Variants in JAZF1 observed in about 807,000 individuals in gnomAD.
JAZF1 encodes the protein juxtaposed with another zinc finger protein 1.
JAZF1 carries 8 observed loss-of-function variants against 26.4 expected under a neutral mutation model. The ratio of observed to expected loss-of-function variants is 0.30; its 90% confidence interval spans 0.18 to 0.55. The LOEUF (loss-of-function observed/expected upper bound fraction) is 0.55, where lower values mean the gene tolerates loss of function less well. Ranked by LOEUF, JAZF1 falls within the 20% of genes least tolerant of loss-of-function variation. JAZF1 has a pLI of 0.94. For missense variants in JAZF1, 199 were observed against 322.0 expected (o/e 0.62, Z 2.92); for synonymous variants, 126 against 122.3 (o/e 1.03, Z -0.20).
chr7:28,090,250 C>T (rs964224739), intron 1 of JAZF1, among the ~76,000 whole-genome samples: 5 of 152,182 alleles, frequency 3.3e-5, no homozygotes, highest in African/African-American at 9.7e-5. Context: ...GCCTAACATA[C>T]CTTATGAACT....
chr7:27,983,777 G>A, intron 2 of JAZF1, among the ~76,000 whole-genome samples: 1 of 152,368 alleles, frequency 6.6e-6, no homozygotes, highest in South Asian at 2.1e-4. Context: ...CAAGCCAGAA[G>A]AGAGTGGGGG....
chr7:27,987,024 G>A (rs1260154617), intron 2 of JAZF1, among the ~76,000 whole-genome samples: 1 of 152,098 alleles, frequency 6.6e-6, no homozygotes, highest in Non-Finnish European at 1.5e-5. Flanking sequence ...CCTCCCAGCC[G>A]CCTGCCTTGG....
intron 1 of JAZF1, among the ~76,000 whole-genome samples, chr7:28,129,507 A>G (rs908873010): frequency 5.3e-5 from 8 of 152,136 alleles, no homozygotes. Flanking sequence ...ACTTATCTAC[A>G]TGGTAACTTT....
intron 1 of JAZF1, chr7:28,071,565 T>C (rs1344837883): frequency 4.3e-6 from 2 of 469,390 alleles, no homozygotes; most frequent in Non-Finnish European, 8.8e-6. Flanking sequence ...CCCATAAAAG[T>C]ATTTTTAACC....
At chr7:28,034,982 G>C (rs1783260177) in intron 1 of JAZF1, among the ~76,000 whole-genome samples, 1 of 152,010 alleles carries the variant, frequency 6.6e-6, no homozygotes, top group Non-Finnish European at 1.5e-5. Flanking sequence ...AGACATGAAG[G>C]CTGAGCCGTT....
chr7:27,862,252 G>A (rs940977354), intron 3 of JAZF1, among the ~76,000 whole-genome samples: 2 of 152,146 alleles, frequency 1.3e-5, no homozygotes, highest in Non-Finnish European at 2.9e-5. Context: ...TACACATGCA[G>A]GTTTGTATAT....
intron 3 of JAZF1, among the ~76,000 whole-genome samples, chr7:27,853,034 G>A (rs890288369): frequency 6.6e-6 from 1 of 152,176 alleles, no homozygotes; most frequent in Admixed American, 6.5e-5. Context: ...AACCACAGGA[G>A]TGCCCTGTCC....
intron 2 of JAZF1, among the ~76,000 whole-genome samples, chr7:27,902,775 G>C (rs1655026109): frequency 6.6e-6 from 1 of 152,160 alleles, no homozygotes; most frequent in Non-Finnish European, 1.5e-5. Context: ...CCAGCACTTT[G>C]GGAGGCCGAG....
chr7:27,840,647 A>C lies in JAZF1; in HGVS notation c.555+51T>G, dbSNP rs1184576809. The C allele has an allele frequency of 1.3e-6, 2 of 1,580,952 alleles. No homozygotes were observed. Among genetic ancestry groups the C allele is most frequent in the Non-Finnish European group, 1.7e-6 (2 of 1,154,896 alleles). On this transcript the variant is annotated intron_variant, in intron 4 of 4. Coordinates refer to ENST00000283928, the MANE Select transcript of JAZF1 (RefSeq NM_175061.4). This position sits in a 1 kb window ranked among gnomAD's most constrained non-coding sequence, Gnocchi z 5.1. ...AAGAAAGGGCTGCTGCCTTCCATGA[A>C]GCTTGCCCTGTTTCCATGTGGTTAT...
At chr7:27,925,545 A>C (rs967505239) in intron 2 of JAZF1, among the ~76,000 whole-genome samples, 6 of 152,072 alleles carry the variant, frequency 3.9e-5, no homozygotes, top group Non-Finnish European at 7.4e-5. Context: ...CCTCGTCCTC[A>C]CAAGTAGCTG....
At chr7:28,095,965 C>A (rs1784376943) in intron 1 of JAZF1, among the ~76,000 whole-genome samples, 1 of 152,320 alleles carries the variant, frequency 6.6e-6, no homozygotes, top group East Asian at 1.9e-4. Flanking sequence ...CTAGCACTAG[C>A]CTTTACTGGG....
At chr7:27,939,901 G>C (rs1784816990) in intron 2 of JAZF1, among the ~76,000 whole-genome samples, 1 of 152,210 alleles carries the variant, frequency 6.6e-6, no homozygotes, top group Non-Finnish European at 1.5e-5. Context: ...CTGGGGCTCT[G>C]CTTTCCTCTT....
At chr7:28,165,734 A>G (rs1783358249) in intron 1 of JAZF1, among the ~76,000 whole-genome samples, 1 of 152,166 alleles carries the variant, frequency 6.6e-6, no homozygotes, top group Non-Finnish European at 1.5e-5. Flanking sequence ...TTCCCTCTCA[A>G]AGAGGCCGTC....
intron 3 of JAZF1, among the ~76,000 whole-genome samples, chr7:27,878,855 T>C (rs1316671081): frequency 1.3e-5 from 2 of 152,222 alleles, no homozygotes; most frequent in Non-Finnish European, 2.9e-5. Context: ...GTCACTAGAA[T>C]CCCTGTTCTT....
In JAZF1 at chr7:28,180,525, C is replaced by T. The variant is rs777924481; in HGVS notation, c.53G>A (p.Gly18Asp). The change falls in exon 1 of 5, where the codon GGC (glycine) becomes GAC (aspartate). Residue 18 changes from glycine to aspartate, a missense_variant. Gly to Asp is a moderately conservative substitution (Grantham distance 94, BLOSUM62 -1). Around this residue, in one of 2 missense-constraint regions of JAZF1, gnomAD observed 137 missense variants for 184.8 expected, o/e 0.74. Transcript: ENST00000283928. ...SFFSNTCRFG[G>D]CGLHFPTLAD... ...CAGGGTGGGGAAGTGGAGTCCGCAG[C>T]CCCCGAATCGGCAGGTATTGGAGAA... 4 of 1,610,480 alleles carry T rather than the reference C, an allele frequency of 2.5e-6. No homozygotes were observed. The highest frequency in any genetic ancestry group is 3.4e-6 in the Non-Finnish European group (4 of 1,178,752).
At chr7:28,084,180 A>T (rs1784179539) in intron 1 of JAZF1, among the ~76,000 whole-genome samples, 1 of 152,138 alleles carries the variant, frequency 6.6e-6, no homozygotes, top group Non-Finnish European at 1.5e-5. Context: ...GAAGAGAGGG[A>T]GTTTCTCAGA....
chr7:28,060,843 G>A (rs1783786024), intron 1 of JAZF1, among the ~76,000 whole-genome samples: 1 of 152,192 alleles, frequency 6.6e-6, no homozygotes. Context: ...TGAAAGTCCA[G>A]AGCCTCCAGA....
At chr7:28,042,126 G>A (rs1783402274) in intron 1 of JAZF1, among the ~76,000 whole-genome samples, 1 of 152,230 alleles carries the variant, frequency 6.6e-6, no homozygotes, top group South Asian at 2.1e-4. Context: ...AGGTTTTGAA[G>A]GATCAATAGG....
intron 3 of JAZF1, among the ~76,000 whole-genome samples, chr7:27,889,149 A>G (rs1219800640): frequency 6.6e-6 from 1 of 152,196 alleles, no homozygotes; most frequent in Non-Finnish European, 1.5e-5. Flanking sequence ...GAGCTTTTAA[A>G]AACTCCCAAT....
Sources: allele counts gnomAD v4.1 joint callset (sites outside exome capture counted in the v4.1 genomes callset), GRCh38; gene constraint gnomAD v4.1.1; regional missense constraint gnomAD v4.1.1; non-coding constraint Gnocchi (gnomAD v3.1); transcripts MANE v1.5; gene names NCBI Gene and HGNC (gene_info 2026-07-23, HGNC 2026-07-21).